RPE65: variants seen among roughly 807,000 people sequenced by gnomAD.
RPE65 encodes the protein retinoid isomerohydrolase RPE65.
RPE65 carries 58 observed loss-of-function variants against 68.5 expected under a neutral mutation model. The observed-to-expected ratio is 0.85, with a 90% CI of 0.69 to 1.05. The LOEUF is 1.05. Ranked by LOEUF, RPE65 falls within the 50% of genes least tolerant of loss-of-function variation. The pLI, the probability that RPE65 is intolerant of heterozygous loss-of-function variation, is 0.00. For synonymous variants in RPE65, 220 were observed against 222.2 expected, an observed-to-expected ratio of 0.99 and a Z score of 0.09; for missense variants, 643 against 629.9, an observed-to-expected ratio of 1.02 and a Z score of -0.22.
rs774764689 is a variant in RPE65, at chr1:68,444,569, T to A, written c.457A>T (p.Thr153Ser). ...YYACTETNFI[T>S]KINPETLETI... Reference sequence around the variant, plus strand: ...TCCAAGGTCTCTGGATTAATCTTTGTAATAAAGTTGGTCTCTGTGCAAGCG... The same window carrying A: ...TCCAAGGTCTCTGGATTAATCTTTGAAATAAAGTTGGTCTCTGTGCAAGCG... The change falls in exon 5 of 14, where the codon ACA becomes TCA. Residue 153 changes from threonine to serine, a missense_variant. By Grantham distance (58) the Thr-to-Ser change is moderately conservative. Coordinates refer to ENST00000262340, the MANE Select transcript of RPE65 (RefSeq NM_000329.3). 1.2e-6 allele frequency: 2 copies of A among 1,614,046 alleles called. No homozygotes were observed. The highest frequency in any genetic ancestry group is 1.3e-5 in the African/African-American group (1 of 74,922).
intron 9 of RPE65, 94 bp downstream of exon 9, chr1:68,438,848 G>A: frequency 6.8e-7 from 1 of 1,473,552 alleles, no homozygotes; most frequent in Non-Finnish European, 9.5e-7. Flanking sequence ...TGCTGTTTTA[G>A]ATGTGATTCA....
At position 68,438,977 on chromosome 1, in the gene RPE65, A is replaced by AT. The variant is rs61752906; in HGVS notation, c.962dup (p.Asn321LysfsTer15). ...AGCAGAGATCCACAATCAGAAACCCATTGTCTTCATAGGTGTTGATGTGAT... is the reference window on the plus strand; with the variant it reads ...AGCAGAGATCCACAATCAGAAACCCATTTGTCTTCATAGGTGTTGATGTGAT... On this transcript the variant is annotated frameshift_variant, in exon 9 of 14. Transcript: ENST00000262340. LOFTEE classifies it high-confidence loss of function. 1.9e-6 allele frequency: 3 copies of AT among 1,613,948 alleles called. No individual in the cohort carries two copies. The African/African-American group carries it at 4.0e-5, about 22-fold the overall frequency.
chr1:68,429,189 A>C lies in RPE65; in HGVS notation c.*587T>G, dbSNP rs1645802443. 1 of 152,588 alleles carries C rather than the reference A, an allele frequency of 6.6e-6. No individual in the cohort carries two copies. The highest frequency in any genetic ancestry group is 2.4e-5 in the African/African-American group (1 of 41,462). The allele number at this position is 152,588 out of a possible 1,614,324, so 9.5% of individuals were successfully genotyped here. ...ACAGATTTTCTTATTATAAAATCAG[A>C]AATAATAGTACTTGCTTGTAATAAA... On this transcript the variant is annotated 3_prime_UTR_variant, in exon 14 of 14. Coordinates refer to ENST00000262340, the MANE Select transcript of RPE65 (RefSeq NM_000329.3).
intron 3 of RPE65, among the ~76,000 whole-genome samples, chr1:68,446,212 C>T (rs950869956): frequency 3.3e-5 from 5 of 151,940 alleles, no homozygotes; most frequent in South Asian, 2.1e-4. Flanking sequence ...TGGCAGCCCC[C>T]GACCCCTTTC....
chr1:68,440,264 A>C (rs1405553992), intron 6 of RPE65, among the ~76,000 whole-genome samples: 2 of 152,218 alleles, frequency 1.3e-5, no homozygotes, highest in African/African-American at 4.8e-5. Flanking sequence ...GTACTAAATA[A>C]TACTAAACAA....
At chr1:68,449,738 C>T (rs1186672849) in intron 1 of RPE65, among the ~76,000 whole-genome samples, 157 bp downstream of exon 1, 1 of 152,130 alleles carries the variant, frequency 6.6e-6, no homozygotes, top group Non-Finnish European at 1.5e-5. Flanking sequence ...TAGCTAGTTG[C>T]TTTAATACAT....
In RPE65 at chr1:68,449,896, G is replaced by A. The variant is rs748096417; in HGVS notation, c.10C>T (p.Gln4Ter). The part of the protein sequence containing the change: MSI[Q>*]VEHPAGGYKK... ...AAAAAGTCTCCCAGAGATACTTACT[G>A]GATAGACATTTTCTTCCAGTTCAGG... Residue 4 changes from glutamine to a stop codon, truncating the protein, a stop_gained and splice_region_variant, in exon 1 of 14, where the codon CAG becomes TAG. Transcript: ENST00000262340. LOFTEE classifies it high-confidence loss of function. The A allele has an allele frequency of 1.9e-6, 3 of 1,614,106 alleles. No homozygotes were observed. Among genetic ancestry groups the A allele is most frequent in the Non-Finnish European group, 2.5e-6 (3 of 1,179,966 alleles).
In RPE65 at chr1:68,438,300, T is replaced by G; in HGVS notation, c.1015A>C (p.Asn339His). ...CGTAAATTGGCTAAATATAAGTAAT[T>G]ATAAACAAACTCAAATCTGCAAAAA... ...CCWKGFEFVYNYLYLANLREN... is the reference protein window; with the variant it reads ...CCWKGFEFVYHYLYLANLREN... The change falls in exon 10 of 14, where the codon AAT becomes CAT. Residue 339 changes from asparagine to histidine, a missense_variant. Coordinates refer to ENST00000262340, the MANE Select transcript of RPE65 (RefSeq NM_000329.3). 6.2e-7 allele frequency: 1 copy of G among 1,613,468 alleles called. No individual in the cohort carries two copies. The highest frequency in any genetic ancestry group is 2.2e-5 in the East Asian group (1 of 44,842).
At chr1:68,444,385 G>T in intron 5 of RPE65, 146 bp downstream of exon 5, 3 of 1,011,938 alleles carry the variant, frequency 3.0e-6, no homozygotes, top group Non-Finnish European at 4.6e-6. Context: ...GAGGCAATCA[G>T]TGCAGTCCAT....
Position 68,440,950 on chromosome 1 carries a change from G to A in RPE65, c.546C>T (p.His182=). ...TGTAAACGGTTCCATCATTTTCAAT[G>A]TGGGGGTGAGCAGTGGCCCCATTGA... ...VSVNGATAHP[H]IENDGTVYNI... is the part of the protein sequence containing the mutation. The change falls in exon 6 of 14, where the codon CAC becomes CAT. Residue 182 remains histidine, a synonymous_variant. Coordinates refer to ENST00000262340, the MANE Select transcript of RPE65 (RefSeq NM_000329.3). The A allele has an allele frequency of 6.2e-7, 1 of 1,613,960 alleles. No individual in the cohort carries two copies. Among genetic ancestry groups the A allele is most frequent in the Non-Finnish European group, 8.5e-7 (1 of 1,179,944 alleles).
In RPE65 at chr1:68,431,383, A is replaced by G; in HGVS notation, c.1244-7T>C. On this transcript the variant is annotated splice_polypyrimidine_tract_variant and splice_region_variant and intron_variant, in intron 11 of 13. Transcript: ENST00000262340. ...ATTTGAGGAAACTCAAATGCTACGA[A>G]ATAGAGCACATGCTTAGGAAAACTC... is the stretch of plus-strand genomic sequence containing the variant. 1 of 1,613,736 alleles carries G rather than the reference A, an allele frequency of 6.2e-7. No homozygotes were observed. The highest frequency in any genetic ancestry group is 1.3e-5 in the African/African-American group (1 of 75,020).
At chr1:68,439,684 A>T (rs1645886808) in intron 6 of RPE65, 42 bp from the exon 7 acceptor site, 3 of 1,288,168 alleles carry the variant, frequency 2.3e-6, no homozygotes, top group South Asian at 2.6e-5. Flanking sequence ...AGAGCCTCTT[A>T]TTTTTTTTTT....
At chr1:68,437,254 C>T (rs1031195017) in intron 10 of RPE65, among the ~76,000 whole-genome samples, 1 of 152,198 alleles carries the variant, frequency 6.6e-6, no homozygotes, top group Non-Finnish European at 1.5e-5. Context: ...ATCTCCCCTA[C>T]ACCCCTAAAT....
Position 68,439,612 on chromosome 1 carries a change from A to G in RPE65, c.674T>C (p.Ile225Thr), listed in dbSNP as rs1338162249. Residue 225 changes from isoleucine to threonine, a missense_variant, in exon 7 of 14, where the codon ATC becomes ACC. Ile to Thr is a moderately conservative substitution (Grantham distance 89). Coordinates refer to ENST00000262340, the MANE Select transcript of RPE65 (RefSeq NM_000329.3). ...DKEDPISKSE[I>T]VVQFPCSDRF... The stretch of plus-strand genomic sequence containing the variant: ...GTCACTGCAGGGGAATTGTACAACG[A>G]TCTCTGACTTGCTTATTGGATCTTC... 6.2e-7 allele frequency: 1 copy of G among 1,613,920 alleles called. No homozygotes were observed. The highest frequency in any genetic ancestry group is 1.7e-5 in the Admixed American group (1 of 60,016).
At chr1:68,433,881 GTAAAGCT>G (rs1390405512) in intron 10 of RPE65, among the ~76,000 whole-genome samples, 7 of 152,038 alleles carry the variant, frequency 4.6e-5, no homozygotes, top group Non-Finnish European at 1.0e-4. Flanking sequence ...ATTATTGACT[GTAAAGCT>G]TAAATTGAGT....
intron 5 of RPE65, among the ~76,000 whole-genome samples, chr1:68,442,905 T>G (rs1211655247): frequency 6.6e-6 from 1 of 152,228 alleles, no homozygotes; most frequent in Non-Finnish European, 1.5e-5. Context: ...GAATTATAGA[T>G]CAGCTTGTGC....
chr1:68,438,003 T>A (rs905465984), intron 10 of RPE65, among the ~76,000 whole-genome samples, 184 bp downstream of exon 10: 3 of 152,198 alleles, frequency 2.0e-5, no homozygotes, highest in Admixed American at 6.5e-5. Flanking sequence ...TTTTGCTAAG[T>A]CACAGTACTC....
rs1645803813 is a variant in RPE65, at chr1:68,429,344, G to A, written c.*432C>T. The A allele has an allele frequency of 5.7e-6, 1 of 176,822 alleles. No individual in the cohort carries two copies. The highest frequency in any genetic ancestry group is 1.6e-4 in the East Asian group (1 of 6,228). 11.0% of individuals were successfully genotyped at this position (176,822 alleles called of 1,614,324 possible). On this transcript the variant is annotated 3_prime_UTR_variant, in exon 14 of 14. Transcript: ENST00000262340. ...GTTTGGTTTGACATTTAGTAATTAA[G>A]CCTTATTGCATGATACTTCCTTGAC... is the stretch of plus-strand genomic sequence containing the variant.
At chr1:68,440,723 C>T in intron 6 of RPE65, 130 bp downstream of exon 6, 3 of 1,203,020 alleles carry the variant, frequency 2.5e-6, no homozygotes, top group East Asian at 2.5e-5. Flanking sequence ...GAGGGCAGTA[C>T]TTCTGAAGTC....
Sources: allele counts gnomAD v4.1 joint callset (sites outside exome capture counted in the v4.1 genomes callset), GRCh38; gene constraint gnomAD v4.1.1; transcripts MANE v1.5; gene names NCBI Gene and HGNC (gene_info 2026-07-23, HGNC 2026-07-21).